The following BTBD2 variants were observed in gnomAD, a reference collection of about 807,000 sequenced individuals.
BTBD2 encodes BTB/POZ domain-containing protein 2.
Under a neutral mutation model 44.0 loss-of-function variants are expected in BTBD2, and 15 were observed. The ratio of observed to expected loss-of-function variants is 0.34; its 90% CI spans 0.23 to 0.53. The LOEUF (loss-of-function observed/expected upper bound fraction) is 0.53. Among genes scored for constraint, BTBD2 ranks in the 20% least tolerant of loss-of-function variants. BTBD2 has a pLI of 0.95. For synonymous variants in BTBD2, 443 were observed against 335.9 expected, an observed-to-expected ratio of 1.32 and a Z score of -3.49; for missense variants, 657 against 746.4, an observed-to-expected ratio of 0.88 and a Z score of 1.39.
intron 1 of BTBD2, chr19:2,014,709 G>C (rs2016510269): frequency 1.9e-5 from 3 of 158,856 alleles, no homozygotes; most frequent in African/African-American, 7.3e-5. Flanking sequence ...AGGATGGAGG[G>C]GCCCAGGGGC....
At chr19:2,010,877 G>A (rs2016455920) in intron 1 of BTBD2, among the ~76,000 whole-genome samples, 1 of 152,144 alleles carries the variant, frequency 6.6e-6, no homozygotes, top group African/African-American at 2.4e-5. Flanking sequence ...GACCTCAGAT[G>A]TCTGCCCATC....
intron 1 of BTBD2, among the ~76,000 whole-genome samples, chr19:2,009,473 C>G (rs1457522693): frequency 6.6e-6 from 1 of 150,986 alleles, no homozygotes; most frequent in Admixed American, 6.6e-5. Context: ...GCTGGGATTA[C>G]AGGCGTGAGC....
At position 2,015,646 on chromosome 19, in the gene BTBD2, G is replaced by T; in HGVS notation, c.58C>A (p.Pro20Thr). The T allele has an allele frequency of 1.0e-6, 1 of 996,876 alleles. No individual in the cohort carries two copies. The allele number at this position is 996,876 out of a possible 1,614,324, so 61.8% of individuals were successfully genotyped here. A position where few individuals can be genotyped will look rare whatever the true frequency, so the allele number is the denominator to read the frequency against. ...ASCPPGVGVG[P>T]GTGGSPGPSA... ...GGCCCGGGACTGCCCCCCGTGCCCG[G>T]GCCGACCCCGACCCCCGGCGGGCAC... The change falls in exon 1 of 9, where the codon CCG (proline) becomes ACG (threonine). Residue 20 changes from proline (P) to threonine (T), a missense_variant. By Grantham distance (38) the Pro-to-Thr change is conservative (BLOSUM62 -1). This residue lies in a region of BTBD2 where 191 missense variants were observed against 188.5 expected (regional missense o/e 1.01). Coordinates refer to ENST00000255608, the MANE Select transcript of BTBD2 (RefSeq NM_017797.4).
Position 1,987,229 on chromosome 19 carries a change from G to C in BTBD2, c.1206C>G (p.Phe402Leu), listed in dbSNP as rs752556906. 2.5e-6 allele frequency: 4 copies of C among 1,613,718 alleles called. No individual in the cohort carries two copies. Among genetic ancestry groups the C allele is most frequent in the African/African-American group, 1.3e-5 (1 of 74,872 alleles). ...RIRFSVNKRIFVVGFGLYGSI... is the reference protein window; with the variant it reads ...RIRFSVNKRILVVGFGLYGSI... ...ATCCATACAGCCCAAATCCCACCAC[G>C]AAGATGCGCTTGTTGACTGAGAACC... Residue 402 changes from phenylalanine (F) to leucine (L), a missense_variant, in exon 7 of 9, where the codon TTC becomes TTG. By Grantham distance (22) the Phe-to-Leu change is conservative (BLOSUM62 0). This residue lies in a region of BTBD2 where 449 missense variants were observed against 510.9 expected (regional missense o/e 0.88). Transcript: ENST00000255608.
At position 1,990,834 on chromosome 19, in the gene BTBD2, C is replaced by CA; in HGVS notation, c.685-13dup. ...TCGAAGAGTCGCGCCTGGCAAGAGA[C>CA]ATCGACGGGGGGCGCGGTGGGGACA... On this transcript the variant is annotated splice_polypyrimidine_tract_variant and intron_variant, in intron 3 of 8. Transcript: ENST00000255608. 6.5e-7 allele frequency: 1 copy of CA among 1,549,304 alleles called. No homozygotes were observed. The highest frequency in any genetic ancestry group is 8.7e-7 in the Non-Finnish European group (1 of 1,150,254).
chr19:1,986,680 G>A, intron 8 of BTBD2, 31 bp from the exon 9 acceptor site: 1 of 1,607,716 alleles, frequency 6.2e-7, no homozygotes, highest in Non-Finnish European at 8.5e-7. Flanking sequence ...GTGAGGTCAA[G>A]GACCACCAGG....
intron 1 of BTBD2, among the ~76,000 whole-genome samples, chr19:2,012,485 G>A (rs1000667777): frequency 1.3e-5 from 2 of 152,206 alleles, no homozygotes; most frequent in African/African-American, 4.8e-5. Context: ...CTGTTCTCCA[G>A]CCTGTTATTG....
Position 2,015,690 on chromosome 19 carries a change from C to T in BTBD2, c.14G>A (p.Gly5Glu), listed in dbSNP as rs2016527880. Residue 5 changes from glycine (G) to glutamate (E), a missense_variant, in exon 1 of 9, where the codon GGG (glycine) becomes GAG (glutamate). Gly to Glu is a moderately conservative substitution (Grantham distance 98). Transcript: ENST00000255608. MAAG[G>E]SGGRASCPPG... is the part of the protein sequence containing the mutation. ...CGGGCACGACGCACGCCCGCCGCTC[C>T]CACCCGCCGCCATTTTGTGGCTGCG... 3.1e-6 allele frequency: 3 copies of T among 982,692 alleles called. No individual in the cohort carries two copies. Among genetic ancestry groups the T allele is most frequent in the Non-Finnish European group, 3.6e-6 (3 of 832,310 alleles). 60.9% of individuals were successfully genotyped at this position (982,692 alleles called of 1,614,324 possible).
At chr19:1,989,865 C>T (rs2016147869) in intron 5 of BTBD2, 139 bp downstream of exon 5, 2 of 1,003,504 alleles carry the variant, frequency 2.0e-6, no homozygotes, top group Admixed American at 2.3e-5. Flanking sequence ...CCTCACAAGC[C>T]AGGTTTCTTC....
At chr19:2,012,886 G>C (rs2016485150) in intron 1 of BTBD2, among the ~76,000 whole-genome samples, 1 of 152,146 alleles carries the variant, frequency 6.6e-6, no homozygotes, top group Non-Finnish European at 1.5e-5. Context: ...CAGAAAGCCT[G>C]GGATTCTCCA....
intron 1 of BTBD2, among the ~76,000 whole-genome samples, chr19:2,004,683 C>T (rs2016372384): frequency 1.3e-5 from 2 of 150,682 alleles, no homozygotes; most frequent in Non-Finnish European, 2.9e-5. Context: ...CCCCCTGAGT[C>T]GAAAATAAAA....
intron 1 of BTBD2, among the ~76,000 whole-genome samples, chr19:2,004,940 C>G (rs890409162): frequency 1.3e-5 from 2 of 151,920 alleles, no homozygotes; most frequent in African/African-American, 4.8e-5. Flanking sequence ...CTGCCTCAGC[C>G]TCCCGAGTAG....
At chr19:2,013,454 G>C (rs2016493214) in intron 1 of BTBD2, 20 of 956,480 alleles carry the variant, frequency 2.1e-5, no homozygotes, top group Non-Finnish European at 2.5e-5. Context: ...AGGGCCCGGA[G>C]ATGGGAGTCT....
At chr19:1,992,432 GTCTC>G (rs555640204) in intron 3 of BTBD2, among the ~76,000 whole-genome samples, 322 of 151,988 alleles carry the variant, frequency 2.1e-3, no homozygotes, top group African/African-American at 6.7e-3. Flanking sequence ...TAGAAACGGG[GTCTC>G]TCTATGTTGC....
intron 3 of BTBD2, 40 bp downstream of exon 3, chr19:1,992,963 CGGCCCCGCCTCCAGCCA>C: frequency 1.0e-6 from 1 of 972,684 alleles, no homozygotes; most frequent in Non-Finnish European, 1.4e-6. Context: ...CGCCCCACCC[CGGCCCCGCCTCCAGCCA>C]GGCCTGGCCC....
At chr19:2,011,416 G>A (rs867947657) in intron 1 of BTBD2, among the ~76,000 whole-genome samples, 1 of 152,176 alleles carries the variant, frequency 6.6e-6, no homozygotes, top group Middle Eastern at 3.4e-3. Flanking sequence ...TGGTCACACT[G>A]GGCCACAGGG....
intron 1 of BTBD2, among the ~76,000 whole-genome samples, chr19:2,005,607 CG>C (rs1407867233): frequency 6.6e-6 from 1 of 151,702 alleles, no homozygotes; most frequent in African/African-American, 2.4e-5. Context: ...TAGGATGAAA[CG>C]CCATCTCTCC....
intron 2 of BTBD2, 74 bp from the exon 3 acceptor site, chr19:1,993,250 C>A: frequency 1.3e-6 from 2 of 1,509,192 alleles, no homozygotes; most frequent in Non-Finnish European, 1.8e-6. Flanking sequence ...CAGGGGACCA[C>A]TCAGACCGTT....
intron 1 of BTBD2, among the ~76,000 whole-genome samples, chr19:2,007,140 GC>G (rs1261175212): frequency 6.6e-6 from 1 of 152,058 alleles, no homozygotes; most frequent in Non-Finnish European, 1.5e-5. Context: ...ACAGGCGTGA[GC>G]CACTGCGCCC....
Sources: allele counts gnomAD v4.1 joint callset (sites outside exome capture counted in the v4.1 genomes callset), GRCh38; gene constraint gnomAD v4.1.1; regional missense constraint gnomAD v4.1.1; transcripts MANE v1.5; gene names NCBI Gene and HGNC (gene_info 2026-07-23, HGNC 2026-07-21).